Variants in GNG2 observed in about 807,000 individuals in gnomAD.
The protein encoded by GNG2 is guanine nucleotide-binding protein G(I)/G(S)/G(O) subunit gamma-2.
Under a neutral mutation model 5.5 loss-of-function variants are expected in GNG2, and 5 were observed. That is an observed-to-expected ratio of 0.91 (90% CI 0.48 to 1.92). The LOEUF (loss-of-function observed/expected upper bound fraction) is 1.92, where lower values mean the gene tolerates loss of function less well. Ranked by LOEUF, GNG2 falls within the 30% of genes most tolerant of loss-of-function variation. GNG2 has a pLI of 0.01. For synonymous variants in GNG2, 28 were observed against 32.0 expected (o/e 0.88, Z 0.42); for missense variants, 55 against 88.4 (o/e 0.62, Z 1.52).
chr14:51,928,186 C>T (rs904922476), intron 2 of GNG2, among the ~76,000 whole-genome samples: 2 of 151,930 alleles, frequency 1.3e-5, no homozygotes, highest in Admixed American at 6.6e-5. Context: ...TGCAACACCA[C>T]GCCCGGCTAA....
upstream of GNG2, among the ~76,000 whole-genome samples, chr14:51,855,436 C>A (rs1882112167): frequency 6.6e-6 from 1 of 152,182 alleles, no homozygotes; most frequent in Admixed American, 6.5e-5. Flanking sequence ...GGCTTAGGCT[C>A]AGATGTCTGG....
intron 3 of GNG2, among the ~76,000 whole-genome samples, chr14:51,957,317 C>T (rs1889332493): frequency 6.6e-6 from 1 of 152,064 alleles, no homozygotes; most frequent in African/African-American, 2.4e-5. Flanking sequence ...TTCTCAATCC[C>T]TCCACTTCCC....
chr14:51,908,253 C>A (rs1033464699), intron 2 of GNG2, among the ~76,000 whole-genome samples: 1 of 152,134 alleles, frequency 6.6e-6, no homozygotes, highest in African/African-American at 2.4e-5. Context: ...CCAGAGCAAG[C>A]GATCCAAGAA....
chr14:51,950,645 T>A lies in GNG2; in HGVS notation c.-29-5T>A. On this transcript the variant is annotated splice_polypyrimidine_tract_variant and splice_region_variant and intron_variant, in intron 2 of 3. Transcript: ENST00000556766. ...GTACAATCTTCTTTTTGTTTTCTTT[T>A]CTAGTGTTTCTGAAAGATCTATCCA... 1 of 1,510,892 alleles carries A rather than the reference T, an allele frequency of 6.6e-7. No individual in the cohort carries two copies. Among genetic ancestry groups the A allele is most frequent in the Non-Finnish European group, 9.2e-7 (1 of 1,092,228 alleles). 93.6% of individuals were successfully genotyped at this position (1,510,892 alleles called of 1,614,324 possible).
intron 2 of GNG2, among the ~76,000 whole-genome samples, chr14:51,913,591 A>G (rs1954451849): frequency 2.0e-5 from 3 of 152,188 alleles, no homozygotes; most frequent in Admixed American, 2.0e-4. Flanking sequence ...AGGGCAGTAC[A>G]GGATGAATGG....
At chr14:51,960,063 AATAT>A (rs1458870349) in intron 3 of GNG2, among the ~76,000 whole-genome samples, 1 of 152,018 alleles carries the variant, frequency 6.6e-6, no homozygotes, top group African/African-American at 2.4e-5. Flanking sequence ...TATATCTTCA[AATAT>A]TTTTTCTTTA....
rs1566721865 is a variant in GNG2, at chr14:51,967,230, G to C, written c.*543G>C. Reference sequence around the variant, plus strand: ...TTAGAGTAGTGTGGAGATAAGGCTGGACTGGTCTATCAGATTGAACTCCAA... The same window carrying C: ...TTAGAGTAGTGTGGAGATAAGGCTGCACTGGTCTATCAGATTGAACTCCAA... On this transcript the variant is annotated 3_prime_UTR_variant, in exon 4 of 4. Transcript: ENST00000556766. 6.5e-6 allele frequency: 1 copy of C among 152,814 alleles called. No homozygotes were observed. Among genetic ancestry groups the C allele is most frequent in the Non-Finnish European group, 1.5e-5 (1 of 68,616 alleles). 9.5% of individuals were successfully genotyped at this position (152,814 alleles called of 1,614,324 possible). A position where few individuals can be genotyped will look rare whatever the true frequency, so the allele number is the denominator to read the frequency against.
chr14:51,922,033 A>G (rs1195303124), intron 2 of GNG2, among the ~76,000 whole-genome samples: 1 of 151,664 alleles, frequency 6.6e-6, no homozygotes, highest in East Asian at 1.9e-4. Context: ...ACTCTGTTAT[A>G]TTATAAGTGG....
intron 2 of GNG2, among the ~76,000 whole-genome samples, chr14:51,944,988 C>T (rs962657106): frequency 5.9e-5 from 9 of 152,052 alleles, no homozygotes; most frequent in African/African-American, 2.2e-4. Flanking sequence ...ATAGGTATCT[C>T]CGCAAAGAAA....
intron 2 of GNG2, among the ~76,000 whole-genome samples, chr14:51,910,318 G>C (rs538166551): frequency 1.3e-5 from 2 of 152,166 alleles, no homozygotes; most frequent in Non-Finnish European, 2.9e-5. Flanking sequence ...CAGGAAAGAG[G>C]GGGGCTAGCT....
chr14:51,858,193 C>T (rs1594842585), upstream of GNG2, among the ~76,000 whole-genome samples: 1 of 136,940 alleles, frequency 7.3e-6, no homozygotes, highest in East Asian at 2.1e-4. Flanking sequence ...GTGTTAAGAG[C>T]TCTAAACTGG....
At chr14:51,827,015 G>A (rs1873201463) in intron 1 of GNG2, among the ~76,000 whole-genome samples, 1 of 152,146 alleles carries the variant, frequency 6.6e-6, no homozygotes, top group East Asian at 1.9e-4. Context: ...AAGGTGAGAG[G>A]TGTAGTTCAG....
chr14:51,942,573 C>T (rs4514593), intron 2 of GNG2, among the ~76,000 whole-genome samples: 11,717 of 44,588 alleles, frequency 0.26, 1,083 homozygotes, highest in East Asian at 0.47. Context: ...TATTTTTTCT[C>T]TTTCTTTCTT....
intron 3 of GNG2, among the ~76,000 whole-genome samples, chr14:51,955,456 A>C (rs989025660): frequency 7.2e-5 from 11 of 152,210 alleles, no homozygotes; most frequent in African/African-American, 2.7e-4. Context: ...CCTAGACTAC[A>C]TAGTCCTTTT....
chr14:51,872,637 T>A (rs1216069846), intron 1 of GNG2, among the ~76,000 whole-genome samples: 1 of 152,184 alleles, frequency 6.6e-6, no homozygotes, highest in Non-Finnish European at 1.5e-5. Flanking sequence ...GATAACGCGC[T>A]GAGCCATGCC....
intron 1 of GNG2, among the ~76,000 whole-genome samples, chr14:51,868,543 T>C (rs985266071): frequency 1.3e-5 from 2 of 152,184 alleles, no homozygotes; most frequent in African/African-American, 4.8e-5. Context: ...CCTGAAGGCC[T>C]CTCTGAAGAG....
chr14:51,950,593 C>G (rs1888913960), intron 2 of GNG2, 57 bp from the exon 3 acceptor site: 1 of 1,081,740 alleles, frequency 9.2e-7, no homozygotes, highest in Admixed American at 2.0e-5. Flanking sequence ...GATGAACTTG[C>G]ACATTTGCTG....
At chr14:51,864,570 C>T (rs1395093444) in intron 1 of GNG2, among the ~76,000 whole-genome samples, 1 of 152,168 alleles carries the variant, frequency 6.6e-6, no homozygotes, top group African/African-American at 2.4e-5. Flanking sequence ...AGAAAATGTG[C>T]ATAGCTTCTG....
chr14:51,839,914 T>C (rs1028263335), intron 2 of GNG2, among the ~76,000 whole-genome samples: 3 of 152,184 alleles, frequency 2.0e-5, no homozygotes, highest in African/African-American at 7.2e-5. Flanking sequence ...TTATTACAAC[T>C]CTAGGGGTAG....
Sources: allele counts gnomAD v4.1 joint callset (sites outside exome capture counted in the v4.1 genomes callset), GRCh38; gene constraint gnomAD v4.1.1; transcripts MANE v1.5; gene names NCBI Gene and HGNC (gene_info 2026-07-23, HGNC 2026-07-21).